Variants in PCDHGA8 observed in about 807,000 individuals in gnomAD.
PCDHGA8 encodes protocadherin gamma subfamily A, 8.
In PCDHGA8, 45 loss-of-function variants were observed where a neutral mutation model predicts 59.2. The ratio of observed to expected loss-of-function variants is 0.76; its 90% CI spans 0.60 to 0.98. The LOEUF (loss-of-function observed/expected upper bound fraction) is 0.98. Ranked by LOEUF, PCDHGA8 falls within the 50% of genes least tolerant of loss-of-function variation. PCDHGA8 has a pLI of 0.00. For missense variants in PCDHGA8, 1,257 were observed against 1,196.2 expected, an observed-to-expected ratio of 1.05 and a Z score of -0.75; for synonymous variants, 531 against 519.0, an observed-to-expected ratio of 1.02 and a Z score of -0.32.
chr5:141,398,813 G>A (rs779872602), intron 1 of PCDHGA8: 11 of 1,613,838 alleles, frequency 6.8e-6, no homozygotes, highest in Admixed American at 3.3e-5. Flanking sequence ...ACTGAGCTCC[G>A]GATCCAGGTA....
At chr5:141,454,087 T>A (rs1251936767) in intron 1 of PCDHGA8, among the ~76,000 whole-genome samples, 4 of 152,198 alleles carry the variant, frequency 2.6e-5, no homozygotes, top group Non-Finnish European at 5.9e-5. Context: ...TCAGTGAAAT[T>A]TGAATTGAAC....
At chr5:141,456,149 G>A (rs377506220) in intron 1 of PCDHGA8, among the ~76,000 whole-genome samples, 1 of 151,866 alleles carries the variant, frequency 6.6e-6, no homozygotes, top group East Asian at 1.9e-4. Flanking sequence ...CGCCCGCCTC[G>A]GCCTCCTAAA....
intron 1 of PCDHGA8, chr5:141,418,233 ATGT>A: frequency 6.2e-7 from 1 of 1,614,048 alleles, no homozygotes; most frequent in Admixed American, 1.7e-5. Context: ...GTGATTGAGG[ATGT>A]TAATGACCAC....
In PCDHGA8 at chr5:141,394,083, G is replaced by A. The variant is rs146481056; in HGVS notation, c.1270G>A (p.Ala424Thr). The A allele has an allele frequency of 3.1e-6, 5 of 1,613,826 alleles. No individual in the cohort carries two copies. The East Asian group carries it at 6.7e-5, about 22-fold the overall frequency. The change falls in exon 1 of 4, where the codon GCC becomes ACC. Residue 424 changes from alanine to threonine, a missense_variant. Ala to Thr is a moderately conservative substitution (Grantham distance 58). Transcript: ENST00000398604. ...NVSIYNITVM[A>T]SDLGTPPLST... ...CTCTATCTACAATATCACAGTGATG[G>A]CCTCAGATCTAGGAACACCACCTCT... is the stretch of plus-strand genomic sequence containing the variant.
intron 1 of PCDHGA8, 144 bp downstream of exon 1, chr5:141,395,381 A>G (rs562557513): frequency 2.0e-4 from 223 of 1,094,768 alleles, no homozygotes; most frequent in African/African-American, 1.2e-3. Context: ...TGGTGTTACT[A>G]TAAAATTGAA....
intron 1 of PCDHGA8, among the ~76,000 whole-genome samples, chr5:141,402,671 G>A (rs1016182752): frequency 2.0e-5 from 3 of 152,140 alleles, no homozygotes; most frequent in Admixed American, 2.0e-4. Flanking sequence ...TTCTTTATCA[G>A]CCATCTGATA....
Position 141,476,447 on chromosome 5 carries a change from G to A in PCDHGA8, c.2425-18360G>A. 2 of 1,614,130 alleles carry A rather than the reference G, an allele frequency of 1.2e-6. No homozygotes were observed. The highest frequency in any genetic ancestry group is 1.7e-6 in the Non-Finnish European group (2 of 1,180,026). On this transcript the variant is annotated intron_variant, in intron 1 of 3. Transcript: ENST00000398604. This position sits in a 1 kb window ranked among gnomAD's most constrained non-coding sequence, Gnocchi z 7.6. ...CTCTTGCACTGTAACTCTGGAGTTGGTAGTGGAGAACCCGCTGGAGCTGTT... is the reference window on the plus strand; with the variant it reads ...CTCTTGCACTGTAACTCTGGAGTTGATAGTGGAGAACCCGCTGGAGCTGTT...
At chr5:141,450,134 G>A (rs1267554616) in intron 1 of PCDHGA8, among the ~76,000 whole-genome samples, 1 of 151,424 alleles carries the variant, frequency 6.6e-6, no homozygotes, top group East Asian at 2.0e-4. Context: ...AGCCTCCTGA[G>A]TAGCTGGGAC....
rs1032814206 is a variant in PCDHGA8, at chr5:141,472,764, T to A, written c.2425-22043T>A. Among the ~76,000 whole-genome samples, 12 of 152,040 alleles carry A rather than the reference T, an allele frequency of 7.9e-5. No individual in the cohort carries two copies. The East Asian group carries it at 2.1e-3, about 27-fold the overall frequency. ...ACTTTGGGAGGCGGAGGCTGGCAGATCACCTGAGGTTGGGAGTTCAAGATC... is the reference window on the plus strand; with the variant it reads ...ACTTTGGGAGGCGGAGGCTGGCAGAACACCTGAGGTTGGGAGTTCAAGATC... On this transcript the variant is annotated intron_variant, in intron 1 of 3. Coordinates refer to ENST00000398604, the MANE Select transcript of PCDHGA8 (RefSeq NM_032088.2).
intron 1 of PCDHGA8, among the ~76,000 whole-genome samples, chr5:141,425,111 A>G (rs2096857405): frequency 6.6e-6 from 1 of 152,144 alleles, no homozygotes; most frequent in Admixed American, 6.5e-5. Context: ...AGATGCCTAC[A>G]TTTTTCTTGA....
chr5:141,503,418 A>G (rs1037754214), intron 2 of PCDHGA8, among the ~76,000 whole-genome samples: 1 of 151,528 alleles, frequency 6.6e-6, no homozygotes, highest in Admixed American at 6.6e-5. Context: ...AATATGGTGA[A>G]ACCCCATCTC....
At position 141,469,759 on chromosome 5, in the gene PCDHGA8, T is replaced by C. The variant is rs192437401; in HGVS notation, c.2425-25048T>C. On this transcript the variant is annotated intron_variant, in intron 1 of 3. Coordinates refer to ENST00000398604, the MANE Select transcript of PCDHGA8 (RefSeq NM_032088.2). ...ACCTCAAAAATTACAAAAATACATATATACCAGCTTATTTATTACAGCGTT... is the reference window on the plus strand; with the variant it reads ...ACCTCAAAAATTACAAAAATACATACATACCAGCTTATTTATTACAGCGTT... 3.9e-3 allele frequency among the ~76,000 whole-genome samples: 591 copies of C among 152,310 alleles called. 6 individuals are homozygous for C. Among genetic ancestry groups the C allele is most frequent in the Admixed American group, 0.011 (171 of 15,298 alleles).
chr5:141,465,448 A>G (rs2099103302), intron 1 of PCDHGA8, among the ~76,000 whole-genome samples: 2 of 152,192 alleles, frequency 1.3e-5, no homozygotes, highest in Admixed American at 1.3e-4. Flanking sequence ...TTACCCAAGA[A>G]AACTCTCACC....
Position 141,410,300 on chromosome 5 carries a change from T to A in PCDHGA8, c.2424+15063T>A, listed in dbSNP as rs1233506038. 4 of 1,614,022 alleles carry A rather than the reference T, an allele frequency of 2.5e-6. No individual in the cohort carries two copies. In the Admixed American group the frequency reaches 6.7e-5, roughly 27 times the overall value. ...CCTGGTGGTGGCCTTGGCCTTAATC[T>A]CAGTGCTCTTCCTCCTCGCCGTGAT... On this transcript the variant is annotated intron_variant, in intron 1 of 3. Coordinates refer to ENST00000398604, the MANE Select transcript of PCDHGA8 (RefSeq NM_032088.2).
intron 1 of PCDHGA8, chr5:141,471,515 T>C (rs931181988): frequency 2.6e-5 from 4 of 152,276 alleles, no homozygotes; most frequent in African/African-American, 9.6e-5. Context: ...GGAGTAAAAA[T>C]AACAGCGAGG....
chr5:141,415,747 T>TTTG, intron 1 of PCDHGA8: 1 of 797,602 alleles, frequency 1.3e-6, no homozygotes, highest in East Asian at 4.8e-5. Flanking sequence ...AAGGTTTTTT[T>TTTG]TTTTTTTTTT....
chr5:141,402,908 G>C (rs772824235), intron 1 of PCDHGA8: 1 of 1,545,226 alleles, frequency 6.5e-7, no homozygotes, highest in African/African-American at 1.4e-5. Flanking sequence ...TGATGAAGCA[G>C]CGCGCACAGA....
chr5:141,499,260 G>T (rs2099790657), intron 2 of PCDHGA8, among the ~76,000 whole-genome samples: 1 of 152,028 alleles, frequency 6.6e-6, no homozygotes, highest in African/African-American at 2.4e-5. Context: ...GTCTCCATTT[G>T]GTCCCTAGAC....
At chr5:141,436,752 A>G (rs2097844842) in intron 1 of PCDHGA8, among the ~76,000 whole-genome samples, 2 of 152,194 alleles carry the variant, frequency 1.3e-5, no homozygotes, top group South Asian at 4.1e-4. Context: ...GCTTCTCCAT[A>G]TGGTATAATG....
Sources: gnomAD v4.1 joint callset for allele counts (sites outside exome capture counted in the v4.1 genomes callset) on GRCh38, gnomAD v4.1.1 for gene constraint, Gnocchi (gnomAD v3.1) non-coding constraint, MANE v1.5 for transcripts, NCBI Gene and HGNC (gene_info 2026-07-23, HGNC 2026-07-21) for gene names.